Variants in PHKB observed in about 807,000 individuals in gnomAD.
PHKB encodes phosphorylase kinase regulatory subunit beta.
In PHKB, 122 loss-of-function variants were observed where a neutral mutation model predicts 152.1. That is an observed-to-expected ratio of 0.80 (90% CI 0.69 to 0.93). PHKB has a LOEUF of 0.93. Ranked by LOEUF, PHKB falls within the 40% of genes least tolerant of loss-of-function variation. PHKB has a pLI of 0.00. For synonymous variants in PHKB, 436 were observed against 464.9 expected (o/e 0.94, Z 0.80); for missense variants, 1,304 against 1,328.4 (o/e 0.98, Z 0.29).
At chr16:47,694,110 T>G (rs770060106) in intron 28 of PHKB, among the ~76,000 whole-genome samples, 1 of 152,148 alleles carries the variant, frequency 6.6e-6, no homozygotes, top group Non-Finnish European at 1.5e-5. Context: ...TGCAGTAACT[T>G]TTTAGGTCAT....
intron 3 of PHKB, 132 bp downstream of exon 3, chr16:47,500,026 T>G: frequency 1.0e-6 from 1 of 976,598 alleles, no homozygotes; most frequent in Non-Finnish European, 1.6e-6. Context: ...CTCACATCCC[T>G]TTTTAGGCCT....
intron 6 of PHKB, among the ~76,000 whole-genome samples, chr16:47,527,609 T>C (rs1331013275): frequency 6.6e-6 from 1 of 152,208 alleles, no homozygotes; most frequent in Non-Finnish European, 1.5e-5. Context: ...ACACCATAAT[T>C]TACTGTTTTG....
chr16:47,699,430 A>G lies in PHKB; in HGVS notation c.*64A>G. On this transcript the variant is annotated 3_prime_UTR_variant, in exon 31 of 31. Transcript: ENST00000323584. ...TGAAGTGTGTTGTGTTTCATGTTCA[A>G]GCTTAATCAAGGCAGCCATTAATAT... 6.3e-7 allele frequency: 1 copy of G among 1,581,250 alleles called. No homozygotes were observed. Among genetic ancestry groups the G allele is most frequent in the Non-Finnish European group, 8.7e-7 (1 of 1,150,066 alleles).
chr16:47,548,793 C>G (rs1025348666), intron 7 of PHKB, among the ~76,000 whole-genome samples: 8 of 151,990 alleles, frequency 5.3e-5, no homozygotes, highest in Non-Finnish European at 1.2e-4. Context: ...TTTTATGATT[C>G]AGTTTTCTCA....
intron 21 of PHKB, 31 bp downstream of exon 21, chr16:47,660,598 G>GT (rs1260403182): frequency 2.7e-5 from 43 of 1,612,340 alleles, no homozygotes; most frequent in Non-Finnish European, 3.1e-5. Context: ...TCATTTTTGG[G>GT]TTTTTTGAAA....
chr16:47,640,531 A>G (rs763211718), intron 14 of PHKB, among the ~76,000 whole-genome samples: 13 of 152,206 alleles, frequency 8.5e-5, no homozygotes, highest in Non-Finnish European at 1.8e-4. Flanking sequence ...GCTCTATTAT[A>G]AGAATTATAT....
chr16:47,588,690 G>A lies in PHKB; in HGVS notation c.871-215G>A, dbSNP rs141905614. Among the ~76,000 whole-genome samples the A allele has an allele frequency of 1.5e-3, 233 of 152,270 alleles. 2 individuals are homozygous for A. Among genetic ancestry groups the A allele is most frequent in the African/African-American group, 5.3e-3 (222 of 41,564 alleles). ...AATTAATATTTTGACATTTGAGCCCGTTGAATCTTGAAAATACTATCAACA... is the reference window on the plus strand; with the variant it reads ...AATTAATATTTTGACATTTGAGCCCATTGAATCTTGAAAATACTATCAACA... On this transcript the variant is annotated intron_variant, in intron 9 of 30. Coordinates refer to ENST00000323584, the MANE Select transcript of PHKB (RefSeq NM_000293.3).
chr16:47,587,886 C>T, intron 9 of PHKB, 123 bp downstream of exon 9: 1 of 793,710 alleles, frequency 1.3e-6, no homozygotes, highest in Non-Finnish European at 2.1e-6. Flanking sequence ...GATAAGAGGA[C>T]ATGATAGATA....
chr16:47,503,015 G>A lies in PHKB; in HGVS notation c.330G>A (p.Arg110=), dbSNP rs1397842740. 6.8e-6 allele frequency: 11 copies of A among 1,613,008 alleles called. No individual in the cohort carries two copies. The highest frequency in any genetic ancestry group is 9.3e-6 in the Non-Finnish European group (11 of 1,179,074). ...GGCGAATTGATGATGACAAGGGAAG[G>A]ACCCATGAGCTGGAGCACTCAGCTA... The part of the protein sequence containing the change: ...AYRRIDDDKG[R]THELEHSAIK... Residue 110 remains arginine (R), a synonymous_variant, in exon 4 of 31, where the codon AGG becomes AGA. Transcript: ENST00000323584.
In PHKB at chr16:47,650,824, T is replaced by G; in HGVS notation, c.1881-7T>G. 1 of 1,602,816 alleles carries G rather than the reference T, an allele frequency of 6.2e-7. No homozygotes were observed. Among genetic ancestry groups the G allele is most frequent in the African/African-American group, 1.3e-5 (1 of 74,784 alleles). On this transcript the variant is annotated splice_polypyrimidine_tract_variant and splice_region_variant and intron_variant, in intron 19 of 30. Coordinates refer to ENST00000323584, the MANE Select transcript of PHKB (RefSeq NM_000293.3). The stretch of plus-strand genomic sequence containing the variant: ...ATCTGTACATTTTGTTTATTTATAT[T>G]TTTTAGAGGTAGCCGGTTCAACCCC...
At chr16:47,648,405 G>A (rs2151730289) in intron 16 of PHKB, 128 bp from the exon 17 acceptor site, 1 of 742,882 alleles carries the variant, frequency 1.3e-6, no homozygotes, top group African/African-American at 1.7e-5. Context: ...CTTCCTACAA[G>A]TTTTTGGATT....
intron 7 of PHKB, among the ~76,000 whole-genome samples, chr16:47,552,324 T>C (rs183680073): frequency 7.2e-4 from 110 of 152,348 alleles, no homozygotes; most frequent in African/African-American, 2.6e-3. Context: ...GTCTTTACCA[T>C]TTGGCATGTT....
chr16:47,483,866 A>G (rs1225703595), intron 1 of PHKB, among the ~76,000 whole-genome samples: 3 of 152,194 alleles, frequency 2.0e-5, no homozygotes, highest in Non-Finnish European at 2.9e-5. Flanking sequence ...TTGTTAGTAA[A>G]TACTTATTAA....
chr16:47,612,030 A>G (rs1972438112), intron 14 of PHKB, among the ~76,000 whole-genome samples: 1 of 152,180 alleles, frequency 6.6e-6, no homozygotes, highest in South Asian at 2.1e-4. Context: ...AATAGTTTTT[A>G]AATTTTTGCA....
chr16:47,512,459 AGG>A (rs1567286399), intron 5 of PHKB, among the ~76,000 whole-genome samples: 1 of 152,252 alleles, frequency 6.6e-6, no homozygotes, highest in African/African-American at 2.4e-5. Flanking sequence ...TTTAGGAACT[AGG>A]GGAAAAAAGA....
chr16:47,516,971 G>A (rs1046780185), intron 6 of PHKB, among the ~76,000 whole-genome samples: 4 of 152,140 alleles, frequency 2.6e-5, no homozygotes, highest in Non-Finnish European at 4.4e-5. Flanking sequence ...ATTTTAAGGA[G>A]CATGCTAAAA....
intron 20 of PHKB, among the ~76,000 whole-genome samples, chr16:47,655,806 C>G (rs1278696559): frequency 6.6e-6 from 1 of 152,218 alleles, no homozygotes; most frequent in Non-Finnish European, 1.5e-5. Context: ...AGTCCTAAGA[C>G]TAGTTACTGC....
intron 12 of PHKB, 126 bp downstream of exon 12, chr16:47,594,340 A>G: frequency 1.5e-6 from 1 of 659,460 alleles, no homozygotes. Flanking sequence ...ATGATCCCTG[A>G]TATGAAATCA....
rs1974204570 is a variant in PHKB, at chr16:47,699,090, G to A, written c.3145-139G>A. Reference sequence around the variant, plus strand: ...TTATATACACCTCAGGAAAATGAAAGAAAAGCTCAGGAATCTCATATTTTC... The same window carrying A: ...TTATATACACCTCAGGAAAATGAAAAAAAAGCTCAGGAATCTCATATTTTC... On this transcript the variant is annotated intron_variant, in intron 30 of 30. Coordinates refer to ENST00000323584, the MANE Select transcript of PHKB (RefSeq NM_000293.3). The A allele has an allele frequency of 3.8e-6, 3 of 793,262 alleles. No homozygotes were observed. The East Asian group carries it at 7.8e-5, about 21-fold the overall frequency. The allele number at this position is 793,262 out of a possible 1,614,324, so 49.1% of individuals were successfully genotyped here.
Sources: allele counts gnomAD v4.1 joint callset (sites outside exome capture counted in the v4.1 genomes callset), GRCh38; gene constraint gnomAD v4.1.1; transcripts MANE v1.5; gene names NCBI Gene and HGNC (gene_info 2026-07-23, HGNC 2026-07-21).